RBKS: variants seen among roughly 807,000 people sequenced by gnomAD.
The protein encoded by RBKS is ribokinase.
A neutral mutation model predicts 33.9 loss-of-function variants in RBKS; 33 were observed. The observed-to-expected ratio is 0.97, with a 90% CI of 0.74 to 1.30. RBKS has a LOEUF of 1.30. Ranked by LOEUF, RBKS falls within the 50% of genes most tolerant of loss-of-function variation. The probability of loss-of-function intolerance (pLI) is 0.00; values close to 1 mark genes in which losing one functional copy is unlikely to be tolerated. For missense variants in RBKS, 361 were observed against 392.6 expected (o/e 0.92, Z 0.68); for synonymous variants, 125 against 143.0 (o/e 0.87, Z 0.90).
chr2:27,811,184 C>T lies in RBKS; in HGVS notation c.795+16383G>A, dbSNP rs145774278. On this transcript the variant is annotated intron_variant, in intron 7 of 7. Coordinates refer to ENST00000302188, the MANE Select transcript of RBKS (RefSeq NM_022128.3). ...AGCTCAGCTCCTTCCCTTACCCTCT[C>T]AAACAGCTTCCCTGGGCTCCTCAGG... Among the ~76,000 whole-genome samples the T allele has an allele frequency of 2.6e-3, 402 of 152,362 alleles. 2 individuals carry two copies. The highest frequency in any genetic ancestry group is 9.0e-3 in the African/African-American group (376 of 41,584).
chr2:27,829,975 C>T (rs1021231803), intron 6 of RBKS, among the ~76,000 whole-genome samples: 14 of 152,102 alleles, frequency 9.2e-5, no homozygotes, highest in African/African-American at 2.4e-4. Context: ...GGCTCCAGTC[C>T]GCTATAAATG....
chr2:27,855,703 T>C (rs1211357099), intron 2 of RBKS, among the ~76,000 whole-genome samples: 1 of 152,244 alleles, frequency 6.6e-6, no homozygotes, highest in Non-Finnish European at 1.5e-5. Context: ...TCTTAAGTAC[T>C]TGAAGTGTTT....
At chr2:27,782,398 G>A (rs1677305765) in intron 7 of RBKS, among the ~76,000 whole-genome samples, 2 of 152,098 alleles carry the variant, frequency 1.3e-5, no homozygotes, top group African/African-American at 4.8e-5. Flanking sequence ...TGGCCTGCCT[G>A]GTCTTGAACT....
intron 5 of RBKS, among the ~76,000 whole-genome samples, chr2:27,838,932 A>G (rs755571299): frequency 1.7e-4 from 26 of 152,222 alleles, no homozygotes; most frequent in Non-Finnish European, 1.0e-4. Context: ...GAGCAGTTGT[A>G]TAGGCTAAAA....
At chr2:27,857,506 T>C (rs1415273049) in intron 2 of RBKS, among the ~76,000 whole-genome samples, 1 of 152,254 alleles carries the variant, frequency 6.6e-6, no homozygotes, top group African/African-American at 2.4e-5. Flanking sequence ...CAGTTATATG[T>C]AGCTCATTAA....
chr2:27,842,949 T>C (rs1039423853), intron 5 of RBKS, 118 bp downstream of exon 5: 4 of 729,176 alleles, frequency 5.5e-6, no homozygotes, highest in South Asian at 3.2e-5. Context: ...ATCTCACAGA[T>C]GGAAGAAAGA....
At chr2:27,852,449 C>T (rs1442032762) in intron 2 of RBKS, among the ~76,000 whole-genome samples, 1 of 152,184 alleles carries the variant, frequency 6.6e-6, no homozygotes, top group Non-Finnish European at 1.5e-5. Context: ...GCTTCCTTCA[C>T]TCTTATCACT....
chr2:27,845,712 A>G (rs1378517268), intron 4 of RBKS, among the ~76,000 whole-genome samples: 1 of 152,228 alleles, frequency 6.6e-6, no homozygotes, highest in Admixed American at 6.5e-5. Flanking sequence ...GAATCACTAA[A>G]GCCGAGTTAA....
At chr2:27,801,395 C>T (rs1034996569) in intron 7 of RBKS, among the ~76,000 whole-genome samples, 1 of 150,482 alleles carries the variant, frequency 6.6e-6, no homozygotes, top group Admixed American at 6.6e-5. Context: ...GGGTCAAAAT[C>T]CATTCTTGGT....
At chr2:27,796,098 C>T (rs1677661298) in intron 7 of RBKS, among the ~76,000 whole-genome samples, 1 of 152,186 alleles carries the variant, frequency 6.6e-6, no homozygotes, top group African/African-American at 2.4e-5. Context: ...GGTTAGGTTG[C>T]CATGGCCCAG....
chr2:27,890,167 G>A lies in RBKS; in HGVS notation c.89+90C>T, dbSNP rs191606675. ...AAAGCTAGCACTGTCTATCCCTGGA[G>A]ACCCAGCGCCCAAAAGCTCCACTGG... On this transcript the variant is annotated intron_variant, in intron 1 of 7. Transcript: ENST00000302188. The surrounding 1 kb of genome is among the most constrained non-coding windows in gnomAD (Gnocchi z 4.8). 5 of 1,229,546 alleles carry A rather than the reference G, an allele frequency of 4.1e-6. No individual in the cohort carries two copies. In the East Asian group the frequency reaches 1.2e-4, roughly 30 times the overall value. 76.2% of individuals were successfully genotyped at this position (1,229,546 alleles called of 1,614,324 possible).
chr2:27,841,729 AACACACAC>A (rs35205983), intron 5 of RBKS, among the ~76,000 whole-genome samples: 7 of 142,168 alleles, frequency 4.9e-5, no homozygotes, highest in Non-Finnish European at 9.3e-5. Context: ...CACTTATATA[AACACACAC>A]ACACACACAC....
At chr2:27,830,668 C>T (rs1678400622) in intron 6 of RBKS, among the ~76,000 whole-genome samples, 1 of 152,192 alleles carries the variant, frequency 6.6e-6, no homozygotes, top group Non-Finnish European at 1.5e-5. Context: ...TAAGCATTTA[C>T]TAAGTGCCAG....
At chr2:27,854,079 C>T (rs771108905) in intron 2 of RBKS, among the ~76,000 whole-genome samples, 2 of 152,166 alleles carry the variant, frequency 1.3e-5, no homozygotes, top group African/African-American at 4.8e-5. Flanking sequence ...TCAAGCTATC[C>T]GTGGAGAAGC....
At chr2:27,790,802 A>G (rs1331260951) in intron 7 of RBKS, among the ~76,000 whole-genome samples, 1 of 152,236 alleles carries the variant, frequency 6.6e-6, no homozygotes, top group Non-Finnish European at 1.5e-5. Flanking sequence ...GAGATACGAG[A>G]AGTCTTATTC....
chr2:27,825,576 T>G (rs1314740079), intron 7 of RBKS, among the ~76,000 whole-genome samples: 1 of 152,152 alleles, frequency 6.6e-6, no homozygotes, highest in Non-Finnish European at 1.5e-5. Flanking sequence ...CTGATAAGAG[T>G]GATTTGTATC....
chr2:27,831,208 G>T (rs778977634), intron 6 of RBKS, among the ~76,000 whole-genome samples: 2 of 151,952 alleles, frequency 1.3e-5, no homozygotes, highest in Admixed American at 6.5e-5. Flanking sequence ...ACATTTTGGA[G>T]GTATTTTATT....
intron 7 of RBKS, among the ~76,000 whole-genome samples, chr2:27,790,887 A>G (rs1451164662): frequency 2.6e-5 from 4 of 152,234 alleles, no homozygotes; most frequent in Admixed American, 2.6e-4. Flanking sequence ...TGTTAAACAT[A>G]TATTTATAAA....
intron 7 of RBKS, among the ~76,000 whole-genome samples, chr2:27,790,016 G>C (rs1274359923): frequency 6.9e-6 from 1 of 144,994 alleles, no homozygotes; most frequent in African/African-American, 2.6e-5. Context: ...GAGAGAGAGA[G>C]ATGTGGTTTC....
Sources: allele counts gnomAD v4.1 joint callset (sites outside exome capture counted in the v4.1 genomes callset), GRCh38; gene constraint gnomAD v4.1.1; non-coding constraint Gnocchi (gnomAD v3.1); transcripts MANE v1.5; gene names NCBI Gene and HGNC (gene_info 2026-07-23, HGNC 2026-07-21).